The following ARMC2 variants were observed in gnomAD, a reference collection of about 807,000 sequenced individuals.
The protein encoded by ARMC2 is armadillo repeat containing 2, also known as armadillo repeat-containing protein 2.
Under a neutral mutation model 90.3 loss-of-function variants are expected in ARMC2, and 67 were observed. The observed-to-expected ratio is 0.74, with a 90% confidence interval of 0.61 to 0.91. ARMC2 has a LOEUF of 0.91. Among genes scored for constraint, ARMC2 ranks in the 40% least tolerant of loss-of-function variants. The pLI, the probability that ARMC2 is intolerant of heterozygous loss-of-function variation, is 0.00. For missense variants in ARMC2, 920 were observed against 1,030.9 expected (o/e 0.89, Z 1.47); for synonymous variants, 393 against 393.0 (o/e 1.00, Z 0.00).
intron 12 of ARMC2, among the ~76,000 whole-genome samples, chr6:108,941,592 T>G (rs1776446874): frequency 6.6e-6 from 1 of 152,212 alleles, no homozygotes; most frequent in African/African-American, 2.4e-5. Flanking sequence ...CATGTTAATT[T>G]GTAGGTTTCA....
At chr6:108,943,979 T>G (rs1562414897) in intron 12 of ARMC2, among the ~76,000 whole-genome samples, 3 of 152,250 alleles carry the variant, frequency 2.0e-5, no homozygotes, top group African/African-American at 7.2e-5. Context: ...AGGTCTGGGA[T>G]GGGGCCCAAG....
At chr6:108,973,314 T>C in intron 17 of ARMC2, 43 bp from the exon 18 acceptor site, 1 of 1,536,744 alleles carries the variant, frequency 6.5e-7, no homozygotes, top group Non-Finnish European at 8.9e-7. Context: ...TCAATAGGAT[T>C]ACATTTCTAA....
the ARMC2 span, chr6:108,994,648 A>T: frequency 6.6e-7 from 1 of 1,513,906 alleles, no homozygotes; most frequent in Non-Finnish European, 9.0e-7. Context: ...TGTGGCAGAC[A>T]TAGAATATAT....
intron 11 of ARMC2, among the ~76,000 whole-genome samples, chr6:108,930,180 C>T (rs1021807752): frequency 2.0e-5 from 3 of 151,116 alleles, no homozygotes; most frequent in African/African-American, 7.3e-5. Context: ...TCCTTATGAA[C>T]TTATTAATCT....
At chr6:109,007,747 T>C in the ARMC2 span, among the ~76,000 whole-genome samples, 41 of 150,020 alleles carry the variant, frequency 2.7e-4, 1 homozygote, top group Admixed American at 2.6e-3. Context: ...TTGTCATTAA[T>C]ACTAATAGGT....
intron 6 of ARMC2, among the ~76,000 whole-genome samples, chr6:108,895,850 G>A (rs1370594957): frequency 6.6e-6 from 1 of 152,078 alleles, no homozygotes; most frequent in Non-Finnish European, 1.5e-5. Context: ...GAGGAGGAGG[G>A]GAATGGATGC....
rs116439020 is a variant in ARMC2, at chr6:108,956,496, G to A, written c.1915+3145G>A. ...CAGATTGCTTGAGGCCAGGGATTCC[G>A]GACCAGACTGGGCAACATGGCAAAA... is the stretch of plus-strand genomic sequence containing the variant. On this transcript the variant is annotated intron_variant, in intron 13 of 17. Coordinates refer to ENST00000392644, the MANE Select transcript of ARMC2 (RefSeq NM_032131.6). Among the ~76,000 whole-genome samples the A allele has an allele frequency of 5.9e-3, 889 of 150,298 alleles. 8 individuals are homozygous for A. Among genetic ancestry groups the A allele is most frequent in the African/African-American group, 0.021 (850 of 40,788 alleles).
intron 8 of ARMC2, among the ~76,000 whole-genome samples, chr6:108,908,207 C>T (rs1037663101): frequency 6.6e-6 from 1 of 152,160 alleles, no homozygotes; most frequent in Non-Finnish European, 1.5e-5. Context: ...TGTGACCTAT[C>T]TGAGGCACGC....
intron 17 of ARMC2, among the ~76,000 whole-genome samples, chr6:108,970,729 C>T (rs1270233025): frequency 6.6e-6 from 1 of 151,402 alleles, no homozygotes; most frequent in Non-Finnish European, 1.5e-5. Context: ...AACTCCTGAC[C>T]TCAGGTGATC....
chr6:108,856,293 C>A (rs1774599018), intron 2 of ARMC2: 1 of 151,556 alleles, frequency 6.6e-6, no homozygotes, highest in African/African-American at 2.4e-5. Flanking sequence ...TGCTAGATGT[C>A]CAGTTGTCCC....
the ARMC2 span, chr6:109,009,420 G>A: frequency 2.1e-6 from 3 of 1,453,684 alleles, no homozygotes; most frequent in Non-Finnish European, 1.8e-6. Context: ...GACCGCCAAA[G>A]GGGCCGTGTA....
chr6:109,031,860 T>C, the ARMC2 span, among the ~76,000 whole-genome samples: 655 of 152,314 alleles, frequency 4.3e-3, 3 homozygotes, highest in South Asian at 0.014. Context: ...ACCAGAAGTA[T>C]TTCAGATTTT....
the ARMC2 span, chr6:109,001,403 G>A: frequency 3.1e-6 from 5 of 1,613,686 alleles, no homozygotes; most frequent in South Asian, 3.3e-5. Flanking sequence ...CATCACTAAC[G>A]TAATGTTATC....
At chr6:108,980,240 C>A in the ARMC2 span, among the ~76,000 whole-genome samples, 1 of 152,158 alleles carries the variant, frequency 6.6e-6, no homozygotes, top group South Asian at 2.1e-4. Flanking sequence ...TTCCTTCTAA[C>A]AGGCCCCTCT....
At chr6:108,996,293 T>G in the ARMC2 span, among the ~76,000 whole-genome samples, 1 of 152,338 alleles carries the variant, frequency 6.6e-6, no homozygotes, top group East Asian at 1.9e-4. Context: ...AAGCCCTTTC[T>G]CTAAGACTTT....
At chr6:108,979,989 C>T in the ARMC2 span, among the ~76,000 whole-genome samples, 2 of 152,004 alleles carry the variant, frequency 1.3e-5, no homozygotes, top group African/African-American at 4.8e-5. Context: ...AAGCCTATTT[C>T]TGTCAATTTG....
chr6:108,927,523 G>A (rs1171776177), intron 10 of ARMC2, among the ~76,000 whole-genome samples: 3 of 151,192 alleles, frequency 2.0e-5, no homozygotes, highest in East Asian at 1.9e-4. Context: ...ACTCTTTGAC[G>A]AAGGTAAAGT....
chr6:108,987,777 G>T, the ARMC2 span: 11 of 407,036 alleles, frequency 2.7e-5, no homozygotes, highest in Non-Finnish European at 3.1e-5. Context: ...TTGTTGAACA[G>T]ATTATAAATT....
intron 12 of ARMC2, among the ~76,000 whole-genome samples, chr6:108,951,428 G>C (rs1056324000): frequency 6.6e-6 from 1 of 152,208 alleles, no homozygotes; most frequent in African/African-American, 2.4e-5. Context: ...GTTGAATGCT[G>C]TGAGTTGAAA....
Sources: allele counts gnomAD v4.1 joint callset (sites outside exome capture counted in the v4.1 genomes callset), GRCh38; gene constraint gnomAD v4.1.1; transcripts MANE v1.5; gene names NCBI Gene and HGNC (gene_info 2026-07-23, HGNC 2026-07-21).